The following CPQ variants were observed in gnomAD, a reference collection of about 807,000 sequenced individuals.
CPQ encodes the protein Ser-Met dipeptidase.
In CPQ, 37 loss-of-function variants were observed where a neutral mutation model predicts 45.7. The ratio of observed to expected loss-of-function variants is 0.81; its 90% CI spans 0.62 to 1.07. The LOEUF is 1.07. Among genes scored for constraint, CPQ ranks in the 50% least tolerant of loss-of-function variants. The pLI, the probability that CPQ is intolerant of heterozygous loss-of-function variation, is 0.00. For missense variants in CPQ, 537 were observed against 572.9 expected, an observed-to-expected ratio of 0.94 and a Z score of 0.64; for synonymous variants, 186 against 205.8, an observed-to-expected ratio of 0.90 and a Z score of 0.82.
intron 4 of CPQ, among the ~76,000 whole-genome samples, chr8:96,901,025 A>G (rs1230521552): frequency 6.6e-6 from 1 of 152,072 alleles, no homozygotes; most frequent in Admixed American, 6.6e-5. Flanking sequence ...TTGGAGAGAT[A>G]TATTCCTTGA....
At chr8:96,734,845 T>A (rs1563482775) in intron 1 of CPQ, among the ~76,000 whole-genome samples, 1 of 152,188 alleles carries the variant, frequency 6.6e-6, no homozygotes, top group African/African-American at 2.4e-5. Flanking sequence ...GTCTTTGTGA[T>A]CTGGCTCTAT....
rs184008800 is a variant in CPQ, at chr8:97,054,285, G to C, written c.1054-11724G>C. ...AAATCAGAAAACAATAGATGTTGTC[G>C]TGGATGTGGTGAAAAGGGAACTCAT... On this transcript the variant is annotated intron_variant, in intron 6 of 7. Transcript: ENST00000220763. 6.0e-4 allele frequency among the ~76,000 whole-genome samples: 92 copies of C among 152,224 alleles called. 2 individuals are homozygous for C. In the East Asian group the frequency reaches 0.011, roughly 18 times the overall value.
intron 1 of CPQ, among the ~76,000 whole-genome samples, chr8:96,655,166 C>T (rs957656292): frequency 6.6e-6 from 1 of 151,854 alleles, no homozygotes; most frequent in African/African-American, 2.4e-5. Context: ...ACTTTCTGGC[C>T]ATTTTTCTCT....
At chr8:96,656,440 T>A (rs1333956375) in intron 1 of CPQ, among the ~76,000 whole-genome samples, 2 of 152,168 alleles carry the variant, frequency 1.3e-5, no homozygotes, top group African/African-American at 4.8e-5. Flanking sequence ...GGTTCAACAG[T>A]TGAGCAGGGC....
At chr8:96,885,361 G>A (rs867503338) in intron 4 of CPQ, among the ~76,000 whole-genome samples, 1 of 152,172 alleles carries the variant, frequency 6.6e-6, no homozygotes, top group Non-Finnish European at 1.5e-5. Flanking sequence ...CCACCTTCCA[G>A]CAATGTTGCA....
intron 1 of CPQ, among the ~76,000 whole-genome samples, chr8:96,773,826 C>G (rs770137645): frequency 1.3e-5 from 2 of 152,136 alleles, no homozygotes; most frequent in African/African-American, 2.4e-5. Flanking sequence ...ATCCTACATC[C>G]TCACACATGG....
At chr8:96,987,839 G>T (rs1450952896) in intron 5 of CPQ, among the ~76,000 whole-genome samples, 1 of 152,124 alleles carries the variant, frequency 6.6e-6, no homozygotes, top group Non-Finnish European at 1.5e-5. Flanking sequence ...TTTTCAAGCG[G>T]AGAGATTAGT....
At chr8:96,686,407 A>G (rs1809228376) in intron 1 of CPQ, among the ~76,000 whole-genome samples, 1 of 152,028 alleles carries the variant, frequency 6.6e-6, no homozygotes, top group Admixed American at 6.5e-5. Flanking sequence ...ATTTTTGTCA[A>G]AAATAACGTT....
intron 7 of CPQ, among the ~76,000 whole-genome samples, chr8:97,138,198 C>T (rs547271114): frequency 2.6e-5 from 4 of 152,280 alleles, no homozygotes; most frequent in Admixed American, 6.5e-5. Context: ...CAGGTAGTTG[C>T]CAACTTTATC....
At chr8:97,069,765 A>T (rs957477233) in intron 7 of CPQ, among the ~76,000 whole-genome samples, 2 of 152,106 alleles carry the variant, frequency 1.3e-5, no homozygotes, top group Non-Finnish European at 2.9e-5. Context: ...TTCAATAAAC[A>T]TTTATTGAGT....
intron 7 of CPQ, among the ~76,000 whole-genome samples, chr8:97,107,119 T>G (rs1811417661): frequency 6.6e-6 from 1 of 152,146 alleles, no homozygotes; most frequent in Non-Finnish European, 1.5e-5. Context: ...AAAGGCTTAA[T>G]AGGTAGTGCA....
intron 6 of CPQ, among the ~76,000 whole-genome samples, chr8:97,055,095 A>G (rs563772600): frequency 6.6e-6 from 1 of 152,102 alleles, no homozygotes; most frequent in African/African-American, 2.4e-5. Context: ...CAATGCTGTG[A>G]TTGTTGGTTT....
chr8:96,897,081 T>C (rs1361477245), intron 4 of CPQ, among the ~76,000 whole-genome samples: 2 of 152,206 alleles, frequency 1.3e-5, no homozygotes, highest in Non-Finnish European at 2.9e-5. Flanking sequence ...TATCATACTT[T>C]GTTATTGCTT....
At chr8:97,063,960 G>T (rs866973336) in intron 6 of CPQ, among the ~76,000 whole-genome samples, 9 of 152,020 alleles carry the variant, frequency 5.9e-5, no homozygotes, top group African/African-American at 1.9e-4. Flanking sequence ...CTATTTTGGG[G>T]TTCCATATGA....
At chr8:96,702,940 G>A (rs1257875638) in intron 1 of CPQ, among the ~76,000 whole-genome samples, 3 of 152,252 alleles carry the variant, frequency 2.0e-5, no homozygotes, top group African/African-American at 7.2e-5. Flanking sequence ...ATTGTGATGT[G>A]CCTTATAGAA....
intron 1 of CPQ, among the ~76,000 whole-genome samples, chr8:96,656,668 C>A (rs1171736539): frequency 6.6e-6 from 1 of 152,192 alleles, no homozygotes; most frequent in Non-Finnish European, 1.5e-5. Flanking sequence ...ATCTCCACAT[C>A]TCCCGCCTGG....
chr8:97,107,727 G>T (rs1811427283), intron 7 of CPQ, among the ~76,000 whole-genome samples: 2 of 152,090 alleles, frequency 1.3e-5, no homozygotes, highest in Admixed American at 1.3e-4. Context: ...CAGACCTTAA[G>T]GCACAGAGCC....
chr8:96,672,728 A>G (rs968669048), intron 1 of CPQ, among the ~76,000 whole-genome samples: 2 of 152,016 alleles, frequency 1.3e-5, no homozygotes, highest in African/African-American at 4.8e-5. Context: ...CAGTGAGCTG[A>G]GCTTGCATCA....
intron 5 of CPQ, among the ~76,000 whole-genome samples, chr8:96,990,181 T>A (rs563796905): frequency 2.2e-4 from 34 of 152,118 alleles, no homozygotes; most frequent in Admixed American, 8.5e-4. Flanking sequence ...TTTCCAAAGT[T>A]AAGGCTCTGC....
Sources: gnomAD v4.1 joint callset for allele counts (sites outside exome capture counted in the v4.1 genomes callset) on GRCh38, gnomAD v4.1.1 for gene constraint, MANE v1.5 for transcripts, NCBI Gene and HGNC (gene_info 2026-07-23, HGNC 2026-07-21) for gene names.